PCDHGA3: variants seen among roughly 807,000 people sequenced by gnomAD.
The protein encoded by PCDHGA3 is protocadherin gamma-A3.
Under a neutral mutation model 58.5 loss-of-function variants are expected in PCDHGA3, and 40 were observed. The observed-to-expected ratio is 0.68, with a 90% CI of 0.53 to 0.89. The LOEUF is 0.89. PCDHGA3 is among the 40% of genes least tolerant of loss of function. The pLI, the probability that PCDHGA3 is intolerant of heterozygous loss-of-function variation, is 0.00. For missense variants in PCDHGA3, 1,223 were observed against 1,195.9 expected, an observed-to-expected ratio of 1.02 and a Z score of -0.33; for synonymous variants, 530 against 525.7, an observed-to-expected ratio of 1.01 and a Z score of -0.11.
At chr5:141,387,568 T>G in intron 1 of PCDHGA3, 1 of 447,496 alleles carries the variant, frequency 2.2e-6, no homozygotes, top group Admixed American at 3.9e-5. Context: ...CACACAATTA[T>G]AATTATTGCA....
intron 1 of PCDHGA3, chr5:141,362,496 G>A: frequency 1.2e-6 from 2 of 1,614,004 alleles, no homozygotes; most frequent in South Asian, 1.1e-5. Context: ...ATGCCTCTTG[G>A]GAACAAAATA....
rs765454115 is a variant in PCDHGA3, at chr5:141,410,470, T to C, written c.2424+64013T>C. On this transcript the variant is annotated intron_variant, in intron 1 of 3. Coordinates refer to ENST00000253812, the MANE Select transcript of PCDHGA3 (RefSeq NM_018916.4). Reference sequence around the variant, plus strand: ...TGCCTTATTCTTATAATCTGTGCATTGCACATACGGGTACAAAAGAGTTTA... The same window carrying C: ...TGCCTTATTCTTATAATCTGTGCATCGCACATACGGGTACAAAAGAGTTTA... 1.9e-6 allele frequency: 3 copies of C among 1,613,922 alleles called. No individual in the cohort carries two copies. The African/African-American group carries it at 4.0e-5, about 22-fold the overall frequency.
At chr5:141,401,129 G>A (rs1327832164) in intron 1 of PCDHGA3, among the ~76,000 whole-genome samples, 3 of 152,168 alleles carry the variant, frequency 2.0e-5, no homozygotes, top group African/African-American at 7.2e-5. Context: ...GGATCACATG[G>A]TCAGGAGTTC....
chr5:141,410,078 G>T, intron 1 of PCDHGA3: 4 of 1,612,820 alleles, frequency 2.5e-6, no homozygotes, highest in East Asian at 2.2e-5. Flanking sequence ...CACTGGGGAG[G>T]TGCGCACGGC....
chr5:141,409,759 C>A, intron 1 of PCDHGA3: 1 of 1,612,958 alleles, frequency 6.2e-7, no homozygotes, highest in Non-Finnish European at 8.5e-7. Flanking sequence ...CGCAGCGCGC[C>A]TTTGATCACG....
At chr5:141,410,084 A>G in intron 1 of PCDHGA3, 3 of 1,612,532 alleles carry the variant, frequency 1.9e-6, no homozygotes, top group Non-Finnish European at 2.5e-6. Context: ...GGAGGTGCGC[A>G]CGGCTCGAGC....
In PCDHGA3 at chr5:141,511,223, A is replaced by G. The variant is rs1193308928; in HGVS notation, c.*50A>G. On this transcript the variant is annotated 3_prime_UTR_variant, in exon 4 of 4. Transcript: ENST00000253812. ...AGGGCGGCCTCTCCCCAACCAGCCC[A>G]GCTTCTCCTTACCTGCACCCAGGCC... 1 of 1,604,390 alleles carries G rather than the reference A, an allele frequency of 6.2e-7. No individual in the cohort carries two copies.
intron 1 of PCDHGA3, among the ~76,000 whole-genome samples, chr5:141,456,968 A>AAAAC (rs202005606): frequency 1.3e-4 from 20 of 152,282 alleles, no homozygotes; most frequent in Middle Eastern, 3.4e-3. Flanking sequence ...ATCTCAAAAC[A>AAAAC]AAACAAACAA....
intron 1 of PCDHGA3, chr5:141,423,740 G>T: frequency 1.4e-6 from 1 of 698,992 alleles, no homozygotes; most frequent in Non-Finnish European, 1.8e-6. Flanking sequence ...AGCCTGTTAT[G>T]AAAACTGTTT....
chr5:141,448,806 G>A (rs1412164815), intron 1 of PCDHGA3, among the ~76,000 whole-genome samples: 1 of 152,008 alleles, frequency 6.6e-6, no homozygotes, highest in Admixed American at 6.5e-5. Context: ...TTAGCCAGGC[G>A]TGATGGCGGG....
intron 1 of PCDHGA3, chr5:141,393,894 C>T (rs201697840): frequency 6.2e-7 from 1 of 1,614,000 alleles, no homozygotes. Flanking sequence ...AGAAAATTCT[C>T]TTCCCGGGAC....
At chr5:141,351,677 T>C (rs1295398348) in intron 1 of PCDHGA3, 1 of 1,613,958 alleles carries the variant, frequency 6.2e-7, no homozygotes. Flanking sequence ...AGTAAGCGCC[T>C]CCGACCCGGA....
At chr5:141,426,834 A>G (rs1561824131) in intron 1 of PCDHGA3, 1 of 456,724 alleles carries the variant, frequency 2.2e-6, no homozygotes, top group South Asian at 1.5e-5. Flanking sequence ...GATGGACAAG[A>G]CTAAAGGCAA....
At chr5:141,452,119 TTCATATATGGC>T (rs1472213897) in intron 1 of PCDHGA3, among the ~76,000 whole-genome samples, 3 of 152,250 alleles carry the variant, frequency 2.0e-5, no homozygotes, top group African/African-American at 7.2e-5. Flanking sequence ...TTCTTATTTA[TTCATATATGGC>T]TCATGTGTTT....
In PCDHGA3 at chr5:141,432,460, C is replaced by T; in HGVS notation, c.2425-62347C>T. The T allele has an allele frequency of 6.2e-7, 1 of 1,614,208 alleles. No homozygotes were observed. The highest frequency in any genetic ancestry group is 8.5e-7 in the Non-Finnish European group (1 of 1,180,044). On this transcript the variant is annotated intron_variant, in intron 1 of 3. Transcript: ENST00000253812. This position sits in a 1 kb window ranked among gnomAD's most constrained non-coding sequence, Gnocchi z 6.0. ...CGCCCGAGATCCTGTACCCCGCCCTCCCCACGGACGGTTCCACTGGCGTGG... is the reference window on the plus strand; with the variant it reads ...CGCCCGAGATCCTGTACCCCGCCCTTCCCACGGACGGTTCCACTGGCGTGG...
chr5:141,461,438 T>C (rs1034260263), intron 1 of PCDHGA3, among the ~76,000 whole-genome samples: 3 of 152,200 alleles, frequency 2.0e-5, no homozygotes, highest in African/African-American at 7.2e-5. Flanking sequence ...GTATACCTTC[T>C]TTTGAGAAAT....
chr5:141,361,703 A>G, intron 1 of PCDHGA3: 1 of 1,613,388 alleles, frequency 6.2e-7, no homozygotes, highest in East Asian at 2.2e-5. Flanking sequence ...TTCGATCATG[A>G]GCAGCTGCGC....
At chr5:141,383,438 T>G (rs771107415) in intron 1 of PCDHGA3, 1 of 1,613,960 alleles carries the variant, frequency 6.2e-7, no homozygotes, top group South Asian at 1.1e-5. Flanking sequence ...CACTTCTCCC[T>G]GGCTGTGCAA....
chr5:141,400,453 C>G, intron 1 of PCDHGA3: 2 of 1,614,056 alleles, frequency 1.2e-6, no homozygotes, highest in South Asian at 2.2e-5. Flanking sequence ...ACAAGACATA[C>G]TTTGTGGTGA....
Sources: allele counts gnomAD v4.1 joint callset (sites outside exome capture counted in the v4.1 genomes callset), GRCh38; gene constraint gnomAD v4.1.1; non-coding constraint Gnocchi (gnomAD v3.1); transcripts MANE v1.5; gene names NCBI Gene and HGNC (gene_info 2026-07-23, HGNC 2026-07-21).